ZCCHC9: variants seen among roughly 807,000 people sequenced by gnomAD.
ZCCHC9 encodes the protein zinc finger CCHC-type containing 9.
ZCCHC9 carries 18 observed loss-of-function variants against 30.8 expected under a neutral mutation model. That is an observed-to-expected ratio of 0.58 (90% CI 0.40 to 0.87). ZCCHC9 has a LOEUF of 0.87. Among genes scored for constraint, ZCCHC9 ranks in the 40% least tolerant of loss-of-function variants. The probability of loss-of-function intolerance (pLI) is 0.00; values close to 1 mark genes in which losing one functional copy is unlikely to be tolerated. For synonymous variants in ZCCHC9, 94 were observed against 106.7 expected, an observed-to-expected ratio of 0.88 and a Z score of 0.73; for missense variants, 279 against 331.2, an observed-to-expected ratio of 0.84 and a Z score of 1.22.
Position 81,304,943 on chromosome 5 carries a change from A to C in ZCCHC9, c.186A>C (p.Lys62Asn). The C allele has an allele frequency of 6.2e-7, 1 of 1,613,708 alleles. No homozygotes were observed. The highest frequency in any genetic ancestry group is 8.5e-7 in the Non-Finnish European group (1 of 1,179,950). ...DAPQAKHKKN[K>N]KKKEYLNEDV... ...CCCAAGCAAAACATAAAAAGAACAA[A>C]AAGAAAAAAGAGTACTTAAATGAAG... Residue 62 changes from lysine (K) to asparagine (N), a missense_variant, in exon 2 of 6, where the codon AAA becomes AAC. By Grantham distance (94) the Lys-to-Asn change is moderately conservative (BLOSUM62 0). Transcript: ENST00000407610.
chr5:81,309,299 A>G (rs907952206), intron 4 of ZCCHC9: 4 of 344,534 alleles, frequency 1.2e-5, no homozygotes, highest in African/African-American at 2.1e-5. Flanking sequence ...TATGTCATAC[A>G]TTTCTACTTT....
intron 2 of ZCCHC9, among the ~76,000 whole-genome samples, chr5:81,307,636 C>G (rs912285040): frequency 6.7e-6 from 1 of 148,944 alleles, no homozygotes; most frequent in South Asian, 2.1e-4. Context: ...CTGGTGACAG[C>G]GAGATTCTGT....
Position 81,301,588 on chromosome 5 carries a change from C to T in ZCCHC9, c.-128C>T, listed in dbSNP as rs534221627. On this transcript the variant is annotated 5_prime_UTR_variant, in exon 1 of 6. Transcript: ENST00000407610. ...GCCGGAAGTGACGCGCTCTCGGGCACTATGTGCTTCCGGTCTCCAATACCG... is the reference window on the plus strand; with the variant it reads ...GCCGGAAGTGACGCGCTCTCGGGCATTATGTGCTTCCGGTCTCCAATACCG... 3 of 152,408 alleles carry T rather than the reference C, an allele frequency of 2.0e-5. No homozygotes were observed. In the South Asian group the frequency reaches 6.2e-4, roughly 32 times the overall value. 9.4% of individuals were successfully genotyped at this position (152,408 alleles called of 1,614,324 possible). A position where few individuals can be genotyped will look rare whatever the true frequency, so the allele number is the denominator to read the frequency against.
intron 4 of ZCCHC9, among the ~76,000 whole-genome samples, chr5:81,310,157 T>TAAAAAAAAAAAAAAAAAAAAAA (rs71000814): frequency 1.3e-4 from 14 of 104,760 alleles, no homozygotes; most frequent in African/African-American, 4.4e-4. Flanking sequence ...TGACTAGCTG[T>TAAAAAAAAAAAAAAAAAAAAAA]AAAAAAAAAA....
In ZCCHC9 at chr5:81,311,215, C is replaced by T. The variant is rs770595039; in HGVS notation, c.633C>T (p.Gly211=). ...DNPKGLYADG[G]GCKLCGSVEH... is the part of the protein sequence containing the mutation. ...GTGGCTTTGCTCTTTCAATAGGTGG[C>T]GGTTGCAAACTTTGTGGCTCTGTGG... Residue 211 remains glycine (G), a synonymous_variant, in exon 5 of 6, where the codon GGC becomes GGT. Coordinates refer to ENST00000407610, the MANE Select transcript of ZCCHC9 (RefSeq NM_001131035.2). The T allele has an allele frequency of 9.9e-6, 16 of 1,613,864 alleles. No individual in the cohort carries two copies. The highest frequency in any genetic ancestry group is 2.2e-5 in the South Asian group (2 of 91,072).
intron 1 of ZCCHC9, chr5:81,301,946 C>T (rs891639649): frequency 6.6e-6 from 1 of 152,308 alleles, no homozygotes; most frequent in African/African-American, 2.4e-5. Context: ...CTCTTGATAA[C>T]CCAGAGCCTC....
At chr5:81,312,458 A>C (rs536473800) in intron 5 of ZCCHC9, 86 bp from the exon 6 acceptor site, 70 of 996,718 alleles carry the variant, frequency 7.0e-5, no homozygotes, top group Middle Eastern at 4.3e-4. Flanking sequence ...TATCAAAATG[A>C]GTTCCTTTCC....
At chr5:81,310,157 T>TAAAAAAAAAAAAAAAAAAAAAAAAAAA (rs71000814) in intron 4 of ZCCHC9, among the ~76,000 whole-genome samples, 5 of 104,758 alleles carry the variant, frequency 4.8e-5, no homozygotes, top group East Asian at 3.1e-4. Context: ...TGACTAGCTG[T>TAAAAAAAAAAAAAAAAAAAAAAAAAAA]AAAAAAAAAA....
At position 81,312,591 on chromosome 5, in the gene ZCCHC9, T is replaced by C. The variant is rs1480345960; in HGVS notation, c.745T>C (p.Tyr249His). The change falls in exon 6 of 6, where the codon TAT becomes CAT. Residue 249 changes from tyrosine (Y) to histidine (H), a missense_variant. By Grantham distance (83) the Tyr-to-His change is moderately conservative. Transcript: ENST00000407610. Reference sequence around the variant, plus strand: ...CTGGGCAAAGGGAATGAGTGCAGACTATGAAGAAATTTTGGATGTACCTAA... The same window carrying C: ...CTGGGCAAAGGGAATGAGTGCAGACCATGAAGAAATTTTGGATGTACCTAA... Reference protein sequence around the residue: ...GRWAKGMSADYEEILDVPKPQ... With the variant: ...GRWAKGMSADHEEILDVPKPQ... The C allele has an allele frequency of 6.2e-7, 1 of 1,613,908 alleles. No homozygotes were observed. Among genetic ancestry groups the C allele is most frequent in the Non-Finnish European group, 8.5e-7 (1 of 1,179,888 alleles).
intron 4 of ZCCHC9, among the ~76,000 whole-genome samples, chr5:81,309,891 GT>G (rs1210522416): frequency 1.3e-5 from 2 of 152,110 alleles, no homozygotes; most frequent in Non-Finnish European, 2.9e-5. Flanking sequence ...ATTGACAGCT[GT>G]TTTTCTTTCT....
intron 4 of ZCCHC9, among the ~76,000 whole-genome samples, chr5:81,310,157 T>TAAAAAAAAAAAAAAAAAAAGA (rs1758230495): frequency 9.5e-6 from 1 of 104,776 alleles, no homozygotes; most frequent in African/African-American, 4.0e-5. Context: ...TGACTAGCTG[T>TAAAAAAAAAAAAAAAAAAAGA]AAAAAAAAAA....
chr5:81,307,548 G>A (rs887236493), intron 2 of ZCCHC9, among the ~76,000 whole-genome samples: 1 of 152,102 alleles, frequency 6.6e-6, no homozygotes, highest in Non-Finnish European at 1.5e-5. Flanking sequence ...AGCTACTTGG[G>A]AGGCTGAGGC....
In ZCCHC9 at chr5:81,304,914, G is replaced by A. The variant is rs142589617; in HGVS notation, c.157G>A (p.Ala53Thr). 4 of 1,613,732 alleles carry A rather than the reference G, an allele frequency of 2.5e-6. No homozygotes were observed. In the African/African-American group the frequency reaches 5.3e-5, roughly 22 times the overall value. ...CAATAGGCTATCCCTCAAAAATGAT[G>A]CACCCCAAGCAAAACATAAAAAGAA... ...EANRLSLKND[A>T]PQAKHKKNKK... The change falls in exon 2 of 6, where the codon GCA becomes ACA. Residue 53 changes from alanine to threonine, a missense_variant. Transcript: ENST00000407610.
At chr5:81,308,787 C>T in intron 3 of ZCCHC9, 76 bp downstream of exon 3, 1 of 1,526,124 alleles carries the variant, frequency 6.6e-7, no homozygotes, top group Non-Finnish European at 8.8e-7. Context: ...TTTTTTAACA[C>T]AATTTGTTAC....
At position 81,302,076 on chromosome 5, in the gene ZCCHC9, TCA is replaced by T. The variant is rs1355828091; in HGVS notation, c.-18+382_-18+383del. On this transcript the variant is annotated intron_variant, in intron 1 of 5. Transcript: ENST00000407610. ...CGCTGGTAAAGTGGCATGGAGTTTCTCACACCAATTCATTGGGTCCACCCTTC... is the reference window on the plus strand; with the variant it reads ...CGCTGGTAAAGTGGCATGGAGTTTCTCACCAATTCATTGGGTCCACCCTTC... 3.9e-5 allele frequency: 6 copies of T among 152,422 alleles called. No homozygotes were observed. In the East Asian group the frequency reaches 1.2e-3, roughly 29 times the overall value. The allele number at this position is 152,422 out of a possible 1,614,324, so 9.4% of individuals were successfully genotyped here. A position where few individuals can be genotyped will look rare whatever the true frequency, so the allele number is the denominator to read the frequency against.
At chr5:81,310,116 AG>A (rs1758227670) in intron 4 of ZCCHC9, among the ~76,000 whole-genome samples, 4 of 145,082 alleles carry the variant, frequency 2.8e-5, no homozygotes, top group Non-Finnish European at 6.0e-5. Flanking sequence ...ATGACTAGTG[AG>A]CAAAAATGGC....
chr5:81,311,693 G>A (rs1445544781), intron 5 of ZCCHC9, among the ~76,000 whole-genome samples: 1 of 152,170 alleles, frequency 6.6e-6, no homozygotes, highest in African/African-American at 2.4e-5. Flanking sequence ...AAAAGATTCA[G>A]AGTTGATTGC....
chr5:81,310,157 T>TAAAAAAAAAAAAAAAA (rs71000814), intron 4 of ZCCHC9, among the ~76,000 whole-genome samples: 76 of 104,748 alleles, frequency 7.3e-4, no homozygotes, highest in African/African-American at 2.6e-3. Context: ...TGACTAGCTG[T>TAAAAAAAAAAAAAAAA]AAAAAAAAAA....
At chr5:81,308,914 G>A (rs10514218) in intron 3 of ZCCHC9, 32 bp from the exon 4 acceptor site, 141,585 of 1,574,838 alleles carry the variant, frequency 0.09, 6,859 homozygotes, top group Middle Eastern at 0.13. Context: ...CATATGTATT[G>A]TCAACTGAAT....
Sources: allele counts gnomAD v4.1 joint callset (sites outside exome capture counted in the v4.1 genomes callset), GRCh38; gene constraint gnomAD v4.1.1; transcripts MANE v1.5; gene names NCBI Gene and HGNC (gene_info 2026-07-23, HGNC 2026-07-21).